KCNQ3: variants seen among roughly 807,000 people sequenced by gnomAD.
KCNQ3 encodes potassium voltage-gated channel subfamily KQT member 3.
KCNQ3 carries 30 observed loss-of-function variants against 92.5 expected under a neutral mutation model. The ratio of observed to expected loss-of-function variants is 0.32; its 90% CI spans 0.24 to 0.44. KCNQ3 has a LOEUF of 0.44. KCNQ3 is among the 20% of genes least tolerant of loss of function. The pLI is 1.00. For synonymous variants in KCNQ3, 450 were observed against 468.8 expected (o/e 0.96, Z 0.52); for missense variants, 913 against 1,140.3 (o/e 0.80, Z 2.87).
At chr8:132,153,789 T>C (rs1825709144) in intron 9 of KCNQ3, among the ~76,000 whole-genome samples, 1 of 151,902 alleles carries the variant, frequency 6.6e-6, no homozygotes, top group Non-Finnish European at 1.5e-5. Flanking sequence ...GGTGGCACCC[T>C]TCATGGTCAC....
At chr8:132,361,286 T>C (rs554949387) in intron 1 of KCNQ3, among the ~76,000 whole-genome samples, 1 of 152,232 alleles carries the variant, frequency 6.6e-6, no homozygotes, top group African/African-American at 2.4e-5. Flanking sequence ...CTGACTCATC[T>C]GATGCTTCTG....
intron 8 of KCNQ3, 84 bp downstream of exon 8, chr8:132,170,250 G>A: frequency 1.1e-6 from 1 of 952,018 alleles, no homozygotes; most frequent in South Asian, 1.3e-5. Flanking sequence ...GTTCTCCAGG[G>A]ACCCGTGAGG....
At chr8:132,383,750 T>C (rs943672729) in intron 1 of KCNQ3, among the ~76,000 whole-genome samples, 3 of 152,148 alleles carry the variant, frequency 2.0e-5, no homozygotes, top group Admixed American at 1.3e-4. Flanking sequence ...GTTTTCCTGA[T>C]GGAAAAGGAA....
chr8:132,142,688 G>T (rs547578975), intron 9 of KCNQ3, among the ~76,000 whole-genome samples: 107 of 152,322 alleles, frequency 7.0e-4, no homozygotes, highest in Non-Finnish European at 1.4e-3. Flanking sequence ...AAATAAATGA[G>T]AGAGTGAATG....
intron 1 of KCNQ3, among the ~76,000 whole-genome samples, chr8:132,434,558 T>G (rs1262315230): frequency 6.6e-6 from 1 of 152,206 alleles, no homozygotes; most frequent in Non-Finnish European, 1.5e-5. Flanking sequence ...AGGTAGGTAT[T>G]TTTATCTCCA....
intron 1 of KCNQ3, among the ~76,000 whole-genome samples, chr8:132,431,975 G>C (rs1382055559): frequency 6.6e-6 from 1 of 152,140 alleles, no homozygotes; most frequent in Non-Finnish European, 1.5e-5. Context: ...ACAGCTCTAG[G>C]CATCAATATT....
intron 1 of KCNQ3, among the ~76,000 whole-genome samples, chr8:132,242,702 G>A (rs780278836): frequency 1.3e-5 from 2 of 152,162 alleles, no homozygotes; most frequent in African/African-American, 2.4e-5. Context: ...CACATAGTAG[G>A]TACCAAATGA....
chr8:132,340,356 C>T (rs1395149014), intron 1 of KCNQ3, among the ~76,000 whole-genome samples: 2 of 152,148 alleles, frequency 1.3e-5, no homozygotes, highest in Admixed American at 1.3e-4. Flanking sequence ...GACTTGGAAC[C>T]AACCCGAATG....
chr8:132,300,751 C>G (rs1273514029), intron 1 of KCNQ3, among the ~76,000 whole-genome samples: 1 of 152,112 alleles, frequency 6.6e-6, no homozygotes, highest in East Asian at 1.9e-4. Flanking sequence ...ATCTCAGGTC[C>G]TGGCCATATA....
intron 1 of KCNQ3, among the ~76,000 whole-genome samples, chr8:132,375,346 GT>G (rs34635711): frequency 0.32 from 48,263 of 152,030 alleles, 9,300 homozygotes; most frequent in African/African-American, 0.54. Flanking sequence ...GAATGGCACT[GT>G]TTTTGCCTTT....
At chr8:132,394,323 G>A (rs1385143983) in intron 1 of KCNQ3, among the ~76,000 whole-genome samples, 1 of 152,162 alleles carries the variant, frequency 6.6e-6, no homozygotes, top group East Asian at 1.9e-4. Context: ...GTTAAGCCAT[G>A]TGTTTTTGGG....
At chr8:132,311,754 A>T in intron 1 of KCNQ3, among the ~76,000 whole-genome samples, 1 of 152,226 alleles carries the variant, frequency 6.6e-6, no homozygotes, top group East Asian at 1.9e-4. Context: ...ACCTCTGAAG[A>T]CACTGTCCTA....
chr8:132,327,496 G>A (rs1340936209), intron 1 of KCNQ3, among the ~76,000 whole-genome samples: 1 of 152,114 alleles, frequency 6.6e-6, no homozygotes. Flanking sequence ...GATACCCAGG[G>A]ACCCTGTCCT....
intron 1 of KCNQ3, among the ~76,000 whole-genome samples, chr8:132,396,650 G>T (rs932339853): frequency 3.3e-5 from 5 of 152,138 alleles, no homozygotes; most frequent in African/African-American, 1.2e-4. Context: ...TTCTGCCTCT[G>T]CGTACCCACA....
At position 132,237,587 on chromosome 8, in the gene KCNQ3, G is replaced by A. The variant is rs545066621; in HGVS notation, c.387-51406C>T. ...GGCCCAGGCTTGGCAACAGGCAAGG[G>A]CTTCACAGAAAAGGAAGAAACTCAG... On this transcript the variant is annotated intron_variant, in intron 1 of 14. Coordinates refer to ENST00000388996, the MANE Select transcript of KCNQ3 (RefSeq NM_004519.4). 3.9e-5 allele frequency among the ~76,000 whole-genome samples: 6 copies of A among 152,272 alleles called. No homozygotes were observed. The South Asian group carries it at 1.2e-3, about 32-fold the overall frequency.
chr8:132,184,496 GGCTGGGGAT>G, intron 2 of KCNQ3, 129 bp from the exon 3 acceptor site: 1 of 982,500 alleles, frequency 1.0e-6, no homozygotes, highest in Non-Finnish European at 1.6e-6. Context: ...TGGCAGGGAT[GGCTGGGGAT>G]GGGGGTGGGG....
At chr8:132,176,816 A>C (rs191086870) in intron 4 of KCNQ3, among the ~76,000 whole-genome samples, 150 of 152,326 alleles carry the variant, frequency 9.8e-4, no homozygotes, top group African/African-American at 3.5e-3. Context: ...CCCATTTTCT[A>C]AACATACTTC....
intron 1 of KCNQ3, among the ~76,000 whole-genome samples, chr8:132,250,058 C>T (rs541701641): frequency 9.9e-5 from 15 of 152,198 alleles, no homozygotes; most frequent in Admixed American, 2.6e-4. Context: ...TCCCCGCAAG[C>T]AGAGGGAGCC....
At chr8:132,173,983 C>A (rs1247274528) in intron 6 of KCNQ3, among the ~76,000 whole-genome samples, 9 of 152,172 alleles carry the variant, frequency 5.9e-5, no homozygotes, top group Non-Finnish European at 1.3e-4. Context: ...GAATTATTCC[C>A]AGAGTTATGC....
Sources: gnomAD v4.1 joint callset for allele counts (sites outside exome capture counted in the v4.1 genomes callset) on GRCh38, gnomAD v4.1.1 for gene constraint, MANE v1.5 for transcripts, NCBI Gene and HGNC (gene_info 2026-07-23, HGNC 2026-07-21) for gene names.